Variants in VWA5B1 observed in about 807,000 individuals in gnomAD.
VWA5B1 encodes the protein von Willebrand factor A domain containing 5B1.
A neutral mutation model predicts 118.2 loss-of-function variants in VWA5B1; 115 were observed. That is an observed-to-expected ratio of 0.97 (90% confidence interval 0.84 to 1.14). The LOEUF is 1.14. Among genes scored for constraint, VWA5B1 ranks in the 50% most tolerant of loss-of-function variants. The pLI is 0.00. For missense variants in VWA5B1, 1,596 were observed against 1,603.8 expected (o/e 1.00, Z 0.08); for synonymous variants, 682 against 658.4 (o/e 1.04, Z -0.55).
intron 4 of VWA5B1, among the ~76,000 whole-genome samples, chr1:20,315,348 A>G (rs909346110): frequency 2.0e-5 from 3 of 152,226 alleles, no homozygotes; most frequent in Non-Finnish European, 2.9e-5. Flanking sequence ...TCCCAAAAGC[A>G]ACAAGGAACC....
Position 20,332,790 on chromosome 1 carries a change from A to G in VWA5B1, c.1597A>G (p.Met533Val). Residue 533 changes from methionine to valine, a missense_variant, in exon 12 of 22, where the codon ATG (methionine) becomes GTG (valine). By Grantham distance (21) the Met-to-Val change is conservative. Transcript: ENST00000289815. ...GATGGTCAAATCCTTGAAGAAGGCC[A>G]TGGCCCCAGTCCTGAGCGATGTGAC... ...PKMVKSLKKA[M>V]APVLSDVTVE... 6.4e-7 allele frequency: 1 copy of G among 1,551,758 alleles called. No homozygotes were observed. The highest frequency in any genetic ancestry group is 8.7e-7 in the Non-Finnish European group (1 of 1,146,996).
chr1:20,314,175 T>C (rs1354954661), intron 3 of VWA5B1, 147 bp from the exon 4 acceptor site: 1 of 812,924 alleles, frequency 1.2e-6, no homozygotes, highest in Non-Finnish European at 1.9e-6. Flanking sequence ...CCTGCTTCAA[T>C]GGCTTACTTA....
chr1:20,317,663 T>C lies in VWA5B1; in HGVS notation c.697T>C (p.Cys233Arg), dbSNP rs61745243. Reference protein sequence around the residue: ...FNFQLEIRGPCLLAGVESPTH... With the variant: ...FNFQLEIRGPRLLAGVESPTH... ...CTTCCAGCTGGAGATCCGTGGGCCATGTCTGCTCGCAGGTGAGAGGGAGAC... is the reference window on the plus strand; with the variant it reads ...CTTCCAGCTGGAGATCCGTGGGCCACGTCTGCTCGCAGGTGAGAGGGAGAC... The change falls in exon 5 of 22, where the codon TGT (cysteine) becomes CGT (arginine). Residue 233 changes from cysteine (C) to arginine (R), a missense_variant. Coordinates refer to ENST00000289815, the MANE Select transcript of VWA5B1 (RefSeq NM_001039500.3). The C allele has an allele frequency of 2.4e-3, 3,742 of 1,551,182 alleles. 79 individuals are homozygous for C. In the African/African-American group the frequency reaches 0.042, roughly 18 times the overall value.
rs1223284792 is a variant in VWA5B1 at position 20,356,479 on chromosome 1, C to T, written c.*2216C>T. ...GCTGAACTGGGCTGTCCAGCACCTC[C>T]CTGCCCCACCAGATGAGTCTGATTC... On this transcript the variant is annotated 3_prime_UTR_variant, in exon 22 of 22. Transcript: ENST00000289815. Among the ~76,000 whole-genome samples, 1 of 152,204 alleles carries T rather than the reference C, an allele frequency of 6.6e-6. No individual in the cohort carries two copies. The highest frequency in any genetic ancestry group is 1.5e-5 in the Non-Finnish European group (1 of 68,036).
At chr1:20,347,738 C>T (rs997665896) in intron 17 of VWA5B1, among the ~76,000 whole-genome samples, 1 of 152,074 alleles carries the variant, frequency 6.6e-6, no homozygotes, top group African/African-American at 2.4e-5. Flanking sequence ...GCTAACATTA[C>T]AGACATGAAC....
Position 20,333,653 on chromosome 1 carries a change from G to A in VWA5B1, c.1758+702G>A, listed in dbSNP as rs141881669. On this transcript the variant is annotated intron_variant, in intron 12 of 21. Coordinates refer to ENST00000289815, the MANE Select transcript of VWA5B1 (RefSeq NM_001039500.3). The stretch of plus-strand genomic sequence containing the variant: ...CTTCTCCACACACTCTAGTAAGCGC[G>A]TATCTCCTTAGATGAGTTTGTGTTT... 5.6e-3 allele frequency among the ~76,000 whole-genome samples: 848 copies of A among 152,310 alleles called. 8 individuals carry two copies. Among genetic ancestry groups the A allele is most frequent in the Non-Finnish European group, 9.8e-3 (666 of 68,018 alleles).
At chr1:20,342,255 G>A (rs1336684992) in intron 14 of VWA5B1, among the ~76,000 whole-genome samples, 177 bp from the exon 15 acceptor site, 1 of 150,552 alleles carries the variant, frequency 6.6e-6, no homozygotes, top group African/African-American at 2.4e-5. Flanking sequence ...GCGTCCCTGA[G>A]TACTGGAGGG....
intron 8 of VWA5B1, among the ~76,000 whole-genome samples, chr1:20,325,454 T>C (rs904140022): frequency 1.3e-5 from 2 of 152,214 alleles, no homozygotes; most frequent in African/African-American, 4.8e-5. Context: ...CAAGCCCAGG[T>C]AGACCTCAAT....
chr1:20,342,407 T>C, intron 14 of VWA5B1, 25 bp from the exon 15 acceptor site: 1 of 1,547,150 alleles, frequency 6.5e-7, no homozygotes. Context: ...TCCTCCTCTT[T>C]CTCTTTCTCC....
chr1:20,350,481 C>T lies in VWA5B1; in HGVS notation c.2953+251C>T, dbSNP rs570031311. ...GCCTGGATCAGGCCTCCTAGTTCCC[C>T]GCTGAGGGACCATTTTTGCCACTCC... is the stretch of plus-strand genomic sequence containing the variant. On this transcript the variant is annotated intron_variant, in intron 19 of 21. Coordinates refer to ENST00000289815, the MANE Select transcript of VWA5B1 (RefSeq NM_001039500.3). Among the ~76,000 whole-genome samples the T allele has an allele frequency of 3.9e-5, 6 of 152,316 alleles. No individual in the cohort carries two copies. The South Asian group carries it at 8.3e-4, about 21-fold the overall frequency.
intron 5 of VWA5B1, chr1:20,318,315 G>T: frequency 2.1e-6 from 1 of 474,188 alleles, no homozygotes; most frequent in Non-Finnish European, 3.9e-6. Context: ...CAGGATGCTG[G>T]GATCAGTGCG....
intron 14 of VWA5B1, 61 bp from the exon 15 acceptor site, chr1:20,342,371 T>TCTC (rs368745611): frequency 5.2e-5 from 77 of 1,482,050 alleles, no homozygotes; most frequent in South Asian, 1.3e-4. Flanking sequence ...TCCTCCTCCT[T>TCTC]CTCCTCCTCC....
chr1:20,356,813 G>A lies in VWA5B1; in HGVS notation c.*2550G>A, dbSNP rs1316423194. ...AATAACCCAAGAGCTATGGGGGCAG[G>A]TCTGGACAAGAGACATTTTTAAAGA... On this transcript the variant is annotated 3_prime_UTR_variant, in exon 22 of 22. Transcript: ENST00000289815. 1.3e-5 allele frequency among the ~76,000 whole-genome samples: 2 copies of A among 152,214 alleles called. No homozygotes were observed. Among genetic ancestry groups the A allele is most frequent in the Non-Finnish European group, 2.9e-5 (2 of 68,046 alleles).
At position 20,353,988 on chromosome 1, in the gene VWA5B1, C is replaced by T. The variant is rs2101031217; in HGVS notation, c.3373C>T (p.Leu1125=). ...CCTGGAGCCTCTGGCCAAGGGCAAGCTGGGCCTGGAGCCGAGGGCAGTGGT... is the reference window on the plus strand; with the variant it reads ...CCTGGAGCCTCTGGCCAAGGGCAAGTTGGGCCTGGAGCCGAGGGCAGTGGT... ...FSLEPLAKGK[L]GLEPRAVVEH... Residue 1125 remains leucine, a synonymous_variant, in exon 22 of 22, where the codon CTG becomes TTG. Coordinates refer to ENST00000289815, the MANE Select transcript of VWA5B1 (RefSeq NM_001039500.3). 1 of 1,551,756 alleles carries T rather than the reference C, an allele frequency of 6.4e-7. No individual in the cohort carries two copies. Among genetic ancestry groups the T allele is most frequent in the East Asian group, 2.4e-5 (1 of 40,904 alleles).
intron 8 of VWA5B1, among the ~76,000 whole-genome samples, chr1:20,326,089 A>C (rs910377271): frequency 1.3e-5 from 2 of 152,244 alleles, no homozygotes; most frequent in Non-Finnish European, 2.9e-5. Flanking sequence ...TCCTCCTAGC[A>C]GGAATATGCA....
rs377578195 is a variant in VWA5B1, at chr1:20,319,432, G to T, written c.892G>T (p.Glu298Ter). 4.5e-6 allele frequency: 7 copies of T among 1,551,804 alleles called. No individual in the cohort carries two copies. The highest frequency in any genetic ancestry group is 6.1e-6 in the Non-Finnish European group (7 of 1,147,014). ...AGAGAAAGGGGACATGACCCTGGGA[G>T]AGTTTGACCAGCACTTGAAGGGAAG... ...LIEKGDMTLG[E>*]FDQHLKGRTD... The change falls in exon 7 of 22, where the codon GAG becomes TAG. Residue 298 changes from glutamate (E) to a stop codon, truncating the protein, a stop_gained. Coordinates refer to ENST00000289815, the MANE Select transcript of VWA5B1 (RefSeq NM_001039500.3). LOFTEE classifies it high-confidence loss of function.
intron 8 of VWA5B1, 41 bp downstream of exon 8, chr1:20,323,573 A>T (rs764708596): frequency 3.0e-6 from 4 of 1,341,492 alleles, no homozygotes; most frequent in African/African-American, 1.5e-5. Context: ...CCGGGGCTCC[A>T]GGGGAAATCA....
At chr1:20,317,470 G>C in intron 4 of VWA5B1, 60 bp from the exon 5 acceptor site, 2 of 1,529,966 alleles carry the variant, frequency 1.3e-6, no homozygotes, top group Non-Finnish European at 1.8e-6. Flanking sequence ...TTGTCTTCTC[G>C]CGCTGGACCC....
rs1302702833 is a variant in VWA5B1, at chr1:20,317,617, C to T, written c.651C>T (p.Asn217=). 1.9e-6 allele frequency: 3 copies of T among 1,551,900 alleles called. No homozygotes were observed. The Admixed American group carries it at 5.9e-5, about 30-fold the overall frequency. Residue 217 remains asparagine, a synonymous_variant, in exon 5 of 22, where the codon AAC becomes AAT. Coordinates refer to ENST00000289815, the MANE Select transcript of VWA5B1 (RefSeq NM_001039500.3). ...LATLLNTEVS[N]PMEYEFNFQL... is the part of the protein sequence containing the mutation. ...CTCTCCTGAACACCGAAGTGTCCAACCCCATGGAGTATGAGTTCAACTTCC... is the reference window on the plus strand; with the variant it reads ...CTCTCCTGAACACCGAAGTGTCCAATCCCATGGAGTATGAGTTCAACTTCC...
Sources: allele counts gnomAD v4.1 joint callset (sites outside exome capture counted in the v4.1 genomes callset), GRCh38; gene constraint gnomAD v4.1.1; transcripts MANE v1.5; gene names NCBI Gene and HGNC (gene_info 2026-07-23, HGNC 2026-07-21).